The following KLHL1 variants were observed in gnomAD, a reference collection of about 807,000 sequenced individuals.
The protein encoded by KLHL1 is kelch-like protein 1.
In KLHL1, 47 loss-of-function variants were observed where a neutral mutation model predicts 77.7. The ratio of observed to expected loss-of-function variants is 0.60; its 90% CI spans 0.48 to 0.77. The LOEUF is 0.77. Ranked by LOEUF, KLHL1 falls within the 30% of genes least tolerant of loss-of-function variation. The pLI, the probability that KLHL1 is intolerant of heterozygous loss-of-function variation, is 0.00. For synonymous variants in KLHL1, 360 were observed against 325.2 expected (o/e 1.11, Z -1.15); for missense variants, 925 against 910.8 (o/e 1.02, Z -0.20).
At chr13:69,767,205 C>CT (rs1566228971) in intron 7 of KLHL1, among the ~76,000 whole-genome samples, 1 of 151,856 alleles carries the variant, frequency 6.6e-6, no homozygotes, top group African/African-American at 2.4e-5. Flanking sequence ...TCAGGCCAAA[C>CT]TAGAATTATT....
chr13:70,067,495 G>C (rs1003719677), intron 1 of KLHL1, among the ~76,000 whole-genome samples: 2 of 152,118 alleles, frequency 1.3e-5, no homozygotes, highest in Non-Finnish European at 2.9e-5. Context: ...GGTGGAGAAC[G>C]AAGGGTAAGC....
At chr13:70,064,004 A>T (rs2137408944) in intron 1 of KLHL1, among the ~76,000 whole-genome samples, 1 of 152,220 alleles carries the variant, frequency 6.6e-6, no homozygotes, top group Middle Eastern at 3.4e-3. Flanking sequence ...CATCAGAAAA[A>T]CACCCACTGA....
intron 1 of KLHL1, among the ~76,000 whole-genome samples, chr13:70,057,656 G>A (rs1201347230): frequency 1.3e-5 from 2 of 149,470 alleles, no homozygotes; most frequent in Non-Finnish European, 3.0e-5. Context: ...GGCGCCTGTA[G>A]TCCCAGCTAC....
intron 1 of KLHL1, among the ~76,000 whole-genome samples, chr13:70,007,801 C>T (rs999215598): frequency 6.6e-6 from 1 of 151,988 alleles, no homozygotes; most frequent in African/African-American, 2.4e-5. Flanking sequence ...ACAGAGGTCT[C>T]TGTACCCACA....
intron 10 of KLHL1, among the ~76,000 whole-genome samples, chr13:69,706,969 G>A (rs148380950): frequency 6.6e-6 from 1 of 152,044 alleles, no homozygotes; most frequent in East Asian, 1.9e-4. Flanking sequence ...ACTACAGTGT[G>A]TATGTAAGGC....
chr13:69,844,240 C>T (rs1486296442), intron 5 of KLHL1, among the ~76,000 whole-genome samples: 1 of 150,962 alleles, frequency 6.6e-6, no homozygotes, highest in South Asian at 2.1e-4. Context: ...CAATATATGA[C>T]ATGGCAAATA....
chr13:69,733,815 G>A (rs1327122268), intron 8 of KLHL1, among the ~76,000 whole-genome samples: 1 of 152,130 alleles, frequency 6.6e-6, no homozygotes, highest in Non-Finnish European at 1.5e-5. Flanking sequence ...ACAAGAATAA[G>A]TAAAGCCTAG....
chr13:69,953,635 T>C (rs1480409015), intron 3 of KLHL1, among the ~76,000 whole-genome samples: 1 of 151,160 alleles, frequency 6.6e-6, no homozygotes, highest in East Asian at 1.9e-4. Context: ...GAATATACAA[T>C]AAAAATCCAT....
At chr13:69,878,026 C>T (rs1191293873) in intron 5 of KLHL1, among the ~76,000 whole-genome samples, 1 of 152,122 alleles carries the variant, frequency 6.6e-6, no homozygotes, top group Non-Finnish European at 1.5e-5. Context: ...TGGTCAGTTG[C>T]CTCATGAACA....
intron 6 of KLHL1, among the ~76,000 whole-genome samples, chr13:69,804,318 A>G (rs1232386983): frequency 6.6e-6 from 1 of 151,708 alleles, no homozygotes; most frequent in East Asian, 1.9e-4. Context: ...GGGGGGGGGA[A>G]ATAGTAATTA....
chr13:70,059,673 A>C (rs952219787), intron 1 of KLHL1, among the ~76,000 whole-genome samples: 2 of 152,198 alleles, frequency 1.3e-5, no homozygotes, highest in African/African-American at 4.8e-5. Flanking sequence ...ACTACCTAAG[A>C]CTGAGTAACC....
intron 6 of KLHL1, among the ~76,000 whole-genome samples, chr13:69,805,983 T>C (rs953330590): frequency 6.6e-6 from 1 of 152,036 alleles, no homozygotes. Flanking sequence ...AAAAAGTATA[T>C]AACTATAGCG....
intron 7 of KLHL1, among the ~76,000 whole-genome samples, chr13:69,763,454 C>T (rs1367034563): frequency 2.0e-5 from 3 of 152,180 alleles, no homozygotes; most frequent in Admixed American, 2.0e-4. Context: ...GTCCCTGGTG[C>T]ACTGTTTTCT....
At chr13:69,959,336 TA>T (rs1883994023) in intron 3 of KLHL1, among the ~76,000 whole-genome samples, 1 of 152,016 alleles carries the variant, frequency 6.6e-6, no homozygotes, top group Non-Finnish European at 1.5e-5. Flanking sequence ...GAAGGATTCC[TA>T]AAATGTTAGC....
chr13:69,903,747 T>C (rs1223372019), intron 4 of KLHL1, among the ~76,000 whole-genome samples: 1 of 141,594 alleles, frequency 7.1e-6, no homozygotes, highest in Non-Finnish European at 1.5e-5. Flanking sequence ...GTTCAAGCGA[T>C]TCTCCTGCCT....
chr13:70,059,713 A>C (rs1886830786), intron 1 of KLHL1, among the ~76,000 whole-genome samples: 1 of 152,224 alleles, frequency 6.6e-6, no homozygotes, highest in Non-Finnish European at 1.5e-5. Flanking sequence ...ATTGACTCAC[A>C]GTTCCACAGG....
rs1305436782 is a variant in KLHL1 at position 69,832,122 on chromosome 13, T to G, written c.1414+6854A>C. ...AGAACAATCGGACAAAAGAAAGAAATAAAGGGCACCAAAATTGGTAAAAAG... is the reference window on the plus strand; with the variant it reads ...AGAACAATCGGACAAAAGAAAGAAAGAAAGGGCACCAAAATTGGTAAAAAG... On this transcript the variant is annotated intron_variant, in intron 6 of 10. Coordinates refer to ENST00000377844, the MANE Select transcript of KLHL1 (RefSeq NM_020866.3). Among the ~76,000 whole-genome samples the G allele has an allele frequency of 3.3e-5, 5 of 149,472 alleles. No homozygotes were observed. In the South Asian group the frequency reaches 8.4e-4, roughly 25 times the overall value.
At chr13:69,949,899 A>G (rs1883653573) in intron 3 of KLHL1, among the ~76,000 whole-genome samples, 1 of 151,750 alleles carries the variant, frequency 6.6e-6, no homozygotes, top group South Asian at 2.1e-4. Context: ...GCAAATTTGT[A>G]CCTCTTTATT....
At chr13:69,785,532 C>A (rs566868819) in intron 7 of KLHL1, among the ~76,000 whole-genome samples, 2 of 151,904 alleles carry the variant, frequency 1.3e-5, no homozygotes, top group Non-Finnish European at 2.9e-5. Context: ...AAATTTATAG[C>A]ACTAAATGCC....
Sources: allele counts gnomAD v4.1 joint callset (sites outside exome capture counted in the v4.1 genomes callset), GRCh38; gene constraint gnomAD v4.1.1; transcripts MANE v1.5; gene names NCBI Gene and HGNC (gene_info 2026-07-23, HGNC 2026-07-21).